CFAP20DC: variants seen among roughly 807,000 people sequenced by gnomAD.
CFAP20DC encodes the protein CFAP20 domain containing.
Under a neutral mutation model 101.7 loss-of-function variants are expected in CFAP20DC, and 84 were observed. The ratio of observed to expected loss-of-function variants is 0.83; its 90% CI spans 0.69 to 0.99. The LOEUF (loss-of-function observed/expected upper bound fraction) is 0.99, where lower values mean the gene tolerates loss of function less well. Among genes scored for constraint, CFAP20DC ranks in the 50% least tolerant of loss-of-function variants. CFAP20DC has a pLI of 0.00. For synonymous variants in CFAP20DC, 359 were observed against 351.2 expected, an observed-to-expected ratio of 1.02 and a Z score of -0.25; for missense variants, 1,007 against 970.3, an observed-to-expected ratio of 1.04 and a Z score of -0.50.
intron 6 of CFAP20DC, among the ~76,000 whole-genome samples, chr3:58,901,319 A>C (rs1172113658): frequency 6.6e-6 from 1 of 152,222 alleles, no homozygotes; most frequent in Non-Finnish European, 1.5e-5. Flanking sequence ...AAGAAGCAGT[A>C]TATTATAGTG....
intron 14 of CFAP20DC, among the ~76,000 whole-genome samples, chr3:58,818,724 C>A (rs1418414903): frequency 9.6e-6 from 1 of 103,664 alleles, no homozygotes; most frequent in Middle Eastern, 3.9e-3. Context: ...CAACATTAGA[C>A]AGATCAACGA....
chr3:58,751,818 GT>G (rs570888502), intron 16 of CFAP20DC, among the ~76,000 whole-genome samples: 19 of 149,716 alleles, frequency 1.3e-4, no homozygotes, highest in Non-Finnish European at 2.2e-4. Flanking sequence ...TGAGAACTTT[GT>G]GTCTCAGTTT....
At chr3:58,853,484 T>A (rs2078450558) in intron 12 of CFAP20DC, among the ~76,000 whole-genome samples, 1 of 152,172 alleles carries the variant, frequency 6.6e-6, no homozygotes, top group South Asian at 2.1e-4. Flanking sequence ...AATCATTTTA[T>A]GAGGCCAGCA....
chr3:58,784,792 A>G (rs1236439295), intron 15 of CFAP20DC, among the ~76,000 whole-genome samples: 1 of 152,140 alleles, frequency 6.6e-6, no homozygotes, highest in African/African-American at 2.4e-5. Flanking sequence ...AAAAGTATAT[A>G]AGCTTTCTGA....
chr3:58,935,684 A>T (rs1476304870), intron 5 of CFAP20DC, among the ~76,000 whole-genome samples: 3 of 152,198 alleles, frequency 2.0e-5, no homozygotes, highest in Non-Finnish European at 2.9e-5. Context: ...AGGATTCCCT[A>T]TTTAATAAAT....
At chr3:58,904,120 T>G (rs1340416460) in intron 6 of CFAP20DC, among the ~76,000 whole-genome samples, 1 of 152,172 alleles carries the variant, frequency 6.6e-6, no homozygotes, top group Non-Finnish European at 1.5e-5. Context: ...ATGTGAGATG[T>G]CTTTCCATTT....
In CFAP20DC at chr3:58,882,057, GATTT is replaced by G. The variant is rs984096861; in HGVS notation, c.715+2484_715+2487del. ...CTTAGCTGGCATACATGTGCAATGA[GATTT>G]ATTTAAGAAGTGCAATCATAAACCC... On this transcript the variant is annotated intron_variant, in intron 7 of 16. Transcript: ENST00000482387. The surrounding 1 kb of genome is among the most constrained non-coding windows in gnomAD (Gnocchi z 4.2). Among the ~76,000 whole-genome samples, 3 of 152,108 alleles carry G rather than the reference GATTT, an allele frequency of 2.0e-5. No homozygotes were observed. The highest frequency in any genetic ancestry group is 7.2e-5 in the African/African-American group (3 of 41,454).
chr3:58,947,621 G>T (rs1412518700), intron 4 of CFAP20DC, among the ~76,000 whole-genome samples: 1 of 152,090 alleles, frequency 6.6e-6, no homozygotes, highest in Non-Finnish European at 1.5e-5. Flanking sequence ...ACTGAGTAAG[G>T]TCTCCAATTC....
In CFAP20DC at chr3:58,799,343, T is replaced by C. The variant is rs1250436179; in HGVS notation, c.2237+7052A>G. ...AGGTGTAAAATGATATCAGATACTT[T>C]ATATTCTGGATATCTTTTAAGGGAT... On this transcript the variant is annotated intron_variant, in intron 15 of 16. Coordinates refer to ENST00000482387, the MANE Select transcript of CFAP20DC (RefSeq NM_001394063.1). The surrounding 1 kb of genome is among the most constrained non-coding windows in gnomAD (Gnocchi z 4.9). Among the ~76,000 whole-genome samples the C allele has an allele frequency of 6.6e-6, 1 of 152,232 alleles. No individual in the cohort carries two copies. The highest frequency in any genetic ancestry group is 1.9e-4 in the East Asian group (1 of 5,202).
chr3:58,861,639 C>T lies in CFAP20DC; in HGVS notation c.1593+1919G>A, dbSNP rs528307985. 9.1e-6 allele frequency: 9 copies of T among 985,366 alleles called. No homozygotes were observed. In the East Asian group the frequency reaches 1.0e-3, roughly 112 times the overall value. The allele number at this position is 985,366 out of a possible 1,614,324, so 61.0% of individuals were successfully genotyped here. A position where few individuals can be genotyped will look rare whatever the true frequency, so the allele number is the denominator to read the frequency against. On this transcript the variant is annotated intron_variant, in intron 12 of 16. Coordinates refer to ENST00000482387, the MANE Select transcript of CFAP20DC (RefSeq NM_001394063.1). This position sits in a 1 kb window ranked among gnomAD's most constrained non-coding sequence, Gnocchi z 4.0. Reference sequence around the variant, plus strand: ...TGTTGGTCCTATTTTTGTATCTTAGCTTGTATCTCGTTAGTCTCTGTACCA... The same window carrying T: ...TGTTGGTCCTATTTTTGTATCTTAGTTTGTATCTCGTTAGTCTCTGTACCA...
At position 58,869,415 on chromosome 3, in the gene CFAP20DC, C is replaced by G. The variant is rs766288442; in HGVS notation, c.928G>C (p.Glu310Gln). 3.1e-6 allele frequency: 5 copies of G among 1,613,876 alleles called. No individual in the cohort carries two copies. The South Asian group carries it at 5.5e-5, about 18-fold the overall frequency. Reference protein sequence around the residue: ...STVEKCVNGTEMSALLIPESE... With the variant: ...STVEKCVNGTQMSALLIPESE... ...TCAGGTATCAGCAAGGCTGACATTT[C>G]TGTACCATTAACACACTTCTCTACA... Residue 310 changes from glutamate (E) to glutamine (Q), a missense_variant, in exon 9 of 17, where the codon GAA becomes CAA. Transcript: ENST00000482387. This position sits in a 1 kb window ranked among gnomAD's most constrained non-coding sequence, Gnocchi z 4.3.
intron 14 of CFAP20DC, among the ~76,000 whole-genome samples, chr3:58,831,203 C>T (rs528541906): frequency 2.0e-5 from 3 of 152,366 alleles, no homozygotes; most frequent in East Asian, 3.9e-4. Flanking sequence ...CAGTGCCTAT[C>T]GTAGCCCATC....
At chr3:58,960,545 G>A (rs2091050198) in intron 4 of CFAP20DC, among the ~76,000 whole-genome samples, 1 of 151,042 alleles carries the variant, frequency 6.6e-6, no homozygotes, top group Non-Finnish European at 1.5e-5. Context: ...TATTGTTACT[G>A]GGATTGGAAT....
chr3:58,879,330 C>T (rs1382261755), intron 7 of CFAP20DC, among the ~76,000 whole-genome samples: 1 of 152,000 alleles, frequency 6.6e-6, no homozygotes, highest in Non-Finnish European at 1.5e-5. Context: ...ATGTGTCAAT[C>T]ATAAAAAGGG....
chr3:58,796,190 C>T (rs1251330360), intron 15 of CFAP20DC, among the ~76,000 whole-genome samples: 1 of 152,110 alleles, frequency 6.6e-6, no homozygotes, highest in African/African-American at 2.4e-5. Flanking sequence ...GTACCAAGAG[C>T]AGAGGAGGGA....
rs892894601 is a variant in CFAP20DC, at chr3:58,894,533, G to C, written c.551-9824C>G. On this transcript the variant is annotated intron_variant, in intron 6 of 16. Coordinates refer to ENST00000482387, the MANE Select transcript of CFAP20DC (RefSeq NM_001394063.1). The surrounding 1 kb of genome is among the most constrained non-coding windows in gnomAD (Gnocchi z 4.1). Reference sequence around the variant, plus strand: ...GCTGATGCAGAAGGTGGGTTCCTACGGCCTTTGGCAGCTCCACCCCTGTGG... The same window carrying C: ...GCTGATGCAGAAGGTGGGTTCCTACCGCCTTTGGCAGCTCCACCCCTGTGG... 6.6e-6 allele frequency among the ~76,000 whole-genome samples: 1 copy of C among 152,194 alleles called. No individual in the cohort carries two copies. Among genetic ancestry groups the C allele is most frequent in the Non-Finnish European group, 1.5e-5 (1 of 68,040 alleles).
chr3:58,841,200 G>A (rs747403514), intron 13 of CFAP20DC, among the ~76,000 whole-genome samples: 1 of 152,208 alleles, frequency 6.6e-6, no homozygotes, highest in South Asian at 2.1e-4. Context: ...TCTCAAACAG[G>A]TGTTTTGAAA....
At chr3:59,035,395 A>G (rs536811676) in intron 4 of CFAP20DC, among the ~76,000 whole-genome samples, 1 of 152,240 alleles carries the variant, frequency 6.6e-6, no homozygotes, top group South Asian at 2.1e-4. Context: ...AAAACCAATG[A>G]CTTCAGGAGC....
intron 15 of CFAP20DC, among the ~76,000 whole-genome samples, chr3:58,759,825 A>G (rs2069364685): frequency 1.3e-5 from 2 of 152,060 alleles, no homozygotes; most frequent in Admixed American, 1.3e-4. Flanking sequence ...TCCCAGGTTT[A>G]TCAAAGATCA....
Sources: allele counts gnomAD v4.1 joint callset (sites outside exome capture counted in the v4.1 genomes callset), GRCh38; gene constraint gnomAD v4.1.1; non-coding constraint Gnocchi (gnomAD v3.1); transcripts MANE v1.5; gene names NCBI Gene and HGNC (gene_info 2026-07-23, HGNC 2026-07-21).